CSMD1: variants seen among roughly 807,000 people sequenced by gnomAD.
The protein encoded by CSMD1 is CUB and sushi domain-containing protein 1.
Under a neutral mutation model 417.5 loss-of-function variants are expected in CSMD1, and 213 were observed. The ratio of observed to expected loss-of-function variants is 0.51; its 90% CI spans 0.46 to 0.57. The LOEUF (loss-of-function observed/expected upper bound fraction) is 0.57, where lower values mean the gene tolerates loss of function less well. Ranked by LOEUF, CSMD1 falls within the 20% of genes least tolerant of loss-of-function variation. The pLI, the probability that CSMD1 is intolerant of heterozygous loss-of-function variation, is 0.00. For synonymous variants in CSMD1, 2,862 were observed against 1,736.8 expected (o/e 1.65, Z -16.11); for missense variants, 6,923 against 4,529.7 (o/e 1.53, Z -15.17).
intron 3 of CSMD1, among the ~76,000 whole-genome samples, chr8:4,343,415 T>TA (rs888842419): frequency 1.1e-4 from 16 of 152,130 alleles, no homozygotes; most frequent in African/African-American, 3.1e-4. Context: ...GTTGTAACCA[T>TA]AAAAAAATTA....
intron 5 of CSMD1, among the ~76,000 whole-genome samples, chr8:3,809,578 G>C (rs186713408): frequency 6.6e-6 from 1 of 152,150 alleles, no homozygotes; most frequent in African/African-American, 2.4e-5. Context: ...GCTTGTGAAA[G>C]TGTAGATAGT....
intron 1 of CSMD1, among the ~76,000 whole-genome samples, chr8:4,952,407 A>C (rs1808814300): frequency 6.6e-6 from 1 of 152,104 alleles, no homozygotes; most frequent in African/African-American, 2.4e-5. Flanking sequence ...AAAAATTGTA[A>C]AATGGAAGAG....
At chr8:4,143,302 G>T (rs952476215) in intron 3 of CSMD1, among the ~76,000 whole-genome samples, 3 of 149,462 alleles carry the variant, frequency 2.0e-5, no homozygotes, top group Admixed American at 2.0e-4. Flanking sequence ...CAGCTTTGTA[G>T]TATTGCTTTT....
At chr8:3,104,000 C>A (rs527362058) in intron 46 of CSMD1, among the ~76,000 whole-genome samples, 8 of 152,210 alleles carry the variant, frequency 5.3e-5, no homozygotes, top group Non-Finnish European at 1.0e-4. Flanking sequence ...ACCTCGGCCT[C>A]CCAAAGTTCT....
At chr8:4,839,941 C>A (rs1800738373) in intron 1 of CSMD1, among the ~76,000 whole-genome samples, 1 of 152,116 alleles carries the variant, frequency 6.6e-6, no homozygotes, top group Non-Finnish European at 1.5e-5. Flanking sequence ...CAACACAGAC[C>A]CGGAGACCAA....
chr8:4,788,886 T>C (rs2117223274), intron 1 of CSMD1, among the ~76,000 whole-genome samples: 1 of 152,344 alleles, frequency 6.6e-6, no homozygotes, highest in Middle Eastern at 3.4e-3. Flanking sequence ...GGCAGGCACA[T>C]GCCCAGTGTT....
intron 2 of CSMD1, among the ~76,000 whole-genome samples, chr8:4,609,360 G>A (rs1801049029): frequency 6.6e-6 from 1 of 152,172 alleles, no homozygotes; most frequent in African/African-American, 2.4e-5. Context: ...GAGACTGCGT[G>A]ACTGCACTCC....
At chr8:4,092,672 T>C (rs7819946) in intron 3 of CSMD1, among the ~76,000 whole-genome samples, 32,666 of 152,046 alleles carry the variant, frequency 0.21, 4,274 homozygotes, top group African/African-American at 0.36. Context: ...ATTCAGTAGG[T>C]CCTTTTTCTT....
At chr8:3,686,532 T>C (rs1416439805) in intron 7 of CSMD1, among the ~76,000 whole-genome samples, 1 of 152,184 alleles carries the variant, frequency 6.6e-6, no homozygotes, top group Non-Finnish European at 1.5e-5. Flanking sequence ...TTCTGTTCAT[T>C]GAAAGCAGGA....
chr8:4,592,245 C>G (rs979470997), intron 2 of CSMD1, among the ~76,000 whole-genome samples: 2 of 150,886 alleles, frequency 1.3e-5, no homozygotes, highest in Non-Finnish European at 2.9e-5. Flanking sequence ...TATCTAGTTG[C>G]AGTAACTAAA....
At chr8:3,736,177 A>C (rs1050739849) in intron 6 of CSMD1, among the ~76,000 whole-genome samples, 2 of 152,082 alleles carry the variant, frequency 1.3e-5, no homozygotes, top group African/African-American at 4.8e-5. Context: ...GCGTCTAATC[A>C]TATTCTATGT....
intron 3 of CSMD1, among the ~76,000 whole-genome samples, chr8:4,290,986 G>A (rs1396805723): frequency 1.3e-5 from 2 of 152,004 alleles, no homozygotes; most frequent in Non-Finnish European, 2.9e-5. Flanking sequence ...TCCCTAAATT[G>A]TATTTGTTAA....
At chr8:3,295,246 T>C (rs939202812) in intron 25 of CSMD1, among the ~76,000 whole-genome samples, 2 of 152,068 alleles carry the variant, frequency 1.3e-5, no homozygotes, top group African/African-American at 4.8e-5. Flanking sequence ...TGCCTCAGCC[T>C]CCCGAGTAGC....
At chr8:3,357,696 A>C (rs929139371) in intron 21 of CSMD1, among the ~76,000 whole-genome samples, 2 of 152,120 alleles carry the variant, frequency 1.3e-5, no homozygotes, top group African/African-American at 2.4e-5. Context: ...CCAGATTTCA[A>C]ACTATCTCAG....
chr8:3,304,779 T>TAAAG (rs1804695695), intron 25 of CSMD1, among the ~76,000 whole-genome samples: 1 of 152,102 alleles, frequency 6.6e-6, no homozygotes, highest in Non-Finnish European at 1.5e-5. Flanking sequence ...GATTCACCTG[T>TAAAG]AAAGAGTGAA....
intron 1 of CSMD1, among the ~76,000 whole-genome samples, chr8:4,932,971 G>C (rs558876207): frequency 6.6e-6 from 1 of 152,146 alleles, no homozygotes; most frequent in Non-Finnish European, 1.5e-5. Context: ...TGCAGGAATT[G>C]AAGATGGGAT....
At chr8:4,671,534 A>G (rs140210914) in intron 1 of CSMD1, among the ~76,000 whole-genome samples, 3 of 152,318 alleles carry the variant, frequency 2.0e-5, no homozygotes, top group Non-Finnish European at 2.9e-5. Flanking sequence ...CAGCTTCCAA[A>G]TAAGCATCAC....
At chr8:3,533,889 T>G (rs562930121) in intron 10 of CSMD1, among the ~76,000 whole-genome samples, 1 of 152,240 alleles carries the variant, frequency 6.6e-6, no homozygotes, top group Non-Finnish European at 1.5e-5. Flanking sequence ...CTTTCAGATG[T>G]ATCAGCTCGT....
rs972924013 is a variant in CSMD1, at chr8:2,979,445, T to C, written c.8378-645A>G. Among the ~76,000 whole-genome samples, 4 of 152,244 alleles carry C rather than the reference T, an allele frequency of 2.6e-5. No individual in the cohort carries two copies. In the South Asian group the frequency reaches 6.2e-4, roughly 24 times the overall value. Reference sequence around the variant, plus strand: ...TGAAAGGCATTAGCCTGAATGCCTGTTGGCGTCTGTGAGGGAATTAGCGAT... The same window carrying C: ...TGAAAGGCATTAGCCTGAATGCCTGCTGGCGTCTGTGAGGGAATTAGCGAT... On this transcript the variant is annotated intron_variant, in intron 54 of 69. Transcript: ENST00000635120.
Sources: gnomAD v4.1 joint callset for allele counts (sites outside exome capture counted in the v4.1 genomes callset) on GRCh38, gnomAD v4.1.1 for gene constraint, MANE v1.5 for transcripts, NCBI Gene and HGNC (gene_info 2026-07-23, HGNC 2026-07-21) for gene names.